Variants in PDE4B observed in about 807,000 individuals in gnomAD.
The protein encoded by PDE4B is phosphodiesterase 4B.
PDE4B carries 20 observed loss-of-function variants against 82.2 expected under a neutral mutation model. The ratio of observed to expected loss-of-function variants is 0.24; its 90% CI spans 0.17 to 0.35. PDE4B has a LOEUF of 0.35. PDE4B is among the 10% of genes least tolerant of loss of function. PDE4B has a pLI of 1.00. For synonymous variants in PDE4B, 320 were observed against 318.9 expected (o/e 1.00, Z -0.04); for missense variants, 655 against 907.2 (o/e 0.72, Z 3.57).
intron 3 of PDE4B, among the ~76,000 whole-genome samples, chr1:65,942,102 G>A (rs1291940133): frequency 6.6e-6 from 1 of 151,986 alleles, no homozygotes; most frequent in Non-Finnish European, 1.5e-5. Context: ...TAGCCTATTA[G>A]CAATTAGGTG....
chr1:65,876,314 C>T (rs1038183537), intron 1 of PDE4B, among the ~76,000 whole-genome samples: 3 of 151,908 alleles, frequency 2.0e-5, no homozygotes, highest in Non-Finnish European at 4.4e-5. Context: ...GAAATATTGT[C>T]CCTAAAAAGT....
intron 1 of PDE4B, among the ~76,000 whole-genome samples, chr1:65,881,907 A>T (rs1234529949): frequency 9.4e-6 from 1 of 106,796 alleles, no homozygotes; most frequent in African/African-American, 2.9e-5. Flanking sequence ...GAAAGATTGC[A>T]TGACATTATA....
intron 3 of PDE4B, among the ~76,000 whole-genome samples, chr1:66,036,485 TTTA>T (rs1654069035): frequency 6.6e-6 from 1 of 152,130 alleles, no homozygotes; most frequent in Admixed American, 6.5e-5. Context: ...CCATTGTGAG[TTTA>T]TTCTTGTATT....
At chr1:66,281,045 A>G (rs894892683) in intron 7 of PDE4B, among the ~76,000 whole-genome samples, 4 of 152,176 alleles carry the variant, frequency 2.6e-5, no homozygotes, top group African/African-American at 9.7e-5. Context: ...ATCTATGCTT[A>G]TGGACTGGCC....
intron 3 of PDE4B, among the ~76,000 whole-genome samples, chr1:66,027,284 C>A (rs1406343121): frequency 6.6e-6 from 1 of 152,106 alleles, no homozygotes; most frequent in Non-Finnish European, 1.5e-5. Flanking sequence ...AAAGCAGAAA[C>A]CCCCGATAAA....
chr1:66,030,493 G>C (rs781084167), intron 3 of PDE4B, among the ~76,000 whole-genome samples: 4 of 152,144 alleles, frequency 2.6e-5, no homozygotes, highest in Non-Finnish European at 5.9e-5. Context: ...GCTTCTTTTG[G>C]TTGGTAGTTT....
chr1:66,299,677 C>T (rs1037396079), intron 7 of PDE4B, among the ~76,000 whole-genome samples: 4 of 152,150 alleles, frequency 2.6e-5, no homozygotes, highest in Non-Finnish European at 5.9e-5. Flanking sequence ...ACTTTCCCAT[C>T]AACAGTTTAT....
chr1:65,802,422 A>G (rs1203863765), intron 1 of PDE4B, among the ~76,000 whole-genome samples: 1 of 152,202 alleles, frequency 6.6e-6, no homozygotes, highest in African/African-American at 2.4e-5. Flanking sequence ...TTTAATAAGG[A>G]AAATATTAGC....
chr1:65,944,693 A>G (rs1170113428), intron 3 of PDE4B, among the ~76,000 whole-genome samples: 1 of 151,962 alleles, frequency 6.6e-6, no homozygotes, highest in Non-Finnish European at 1.5e-5. Flanking sequence ...ACAAGATCAG[A>G]GACAGGAAAA....
intron 3 of PDE4B, among the ~76,000 whole-genome samples, chr1:65,961,135 A>T (rs540220646): frequency 2.6e-5 from 4 of 152,290 alleles, no homozygotes; most frequent in African/African-American, 9.6e-5. Context: ...ATGTTTCATA[A>T]TAATATAGAG....
At position 66,252,052 on chromosome 1, in the gene PDE4B, G is replaced by A. The variant is rs906174801; in HGVS notation, c.476+4398G>A. Among the ~76,000 whole-genome samples, 4 of 152,006 alleles carry A rather than the reference G, an allele frequency of 2.6e-5. 1 individual carries two copies. The highest frequency in any genetic ancestry group is 4.1e-4 in the South Asian group (2 of 4,832). Reference sequence around the variant, plus strand: ...CATGATATTCATGTAAAAGAGGATGGGGATTTATATTACAGATGATCTAGT... The same window carrying A: ...CATGATATTCATGTAAAAGAGGATGAGGATTTATATTACAGATGATCTAGT... On this transcript the variant is annotated intron_variant, in intron 4 of 16. Transcript: ENST00000341517.
intron 3 of PDE4B, among the ~76,000 whole-genome samples, chr1:66,012,630 T>G (rs1225229492): frequency 2.6e-5 from 4 of 152,106 alleles, no homozygotes; most frequent in Non-Finnish European, 5.9e-5. Flanking sequence ...AGCAGTCGTC[T>G]TACTTTCTCT....
At chr1:65,851,864 T>A (rs6704418) in intron 1 of PDE4B, among the ~76,000 whole-genome samples, 80,096 of 151,724 alleles carry the variant, frequency 0.53, 21,361 homozygotes, top group Non-Finnish European at 0.57. Context: ...AAAGCATTCT[T>A]TCATCATTAA....
chr1:66,321,015 G>C (rs565575401), intron 7 of PDE4B, among the ~76,000 whole-genome samples: 1 of 152,270 alleles, frequency 6.6e-6, no homozygotes. Flanking sequence ...TATCAGGCTT[G>C]AGGAAAGGAG....
At chr1:65,940,483 A>T (rs1648386160) in intron 3 of PDE4B, among the ~76,000 whole-genome samples, 1 of 152,196 alleles carries the variant, frequency 6.6e-6, no homozygotes, top group African/African-American at 2.4e-5. Flanking sequence ...TGTTTTGGTT[A>T]TGTATAGAAT....
chr1:66,354,973 A>G, intron 8 of PDE4B: 1 of 1,270,464 alleles, frequency 7.9e-7, no homozygotes, highest in East Asian at 2.5e-5. Context: ...GAAGTACAGG[A>G]CATCTGTAAT....
At chr1:66,046,660 G>A (rs1446191572) in intron 3 of PDE4B, among the ~76,000 whole-genome samples, 1 of 151,828 alleles carries the variant, frequency 6.6e-6, no homozygotes, top group Admixed American at 6.6e-5. Flanking sequence ...TTTAAACCAA[G>A]AAGACTCTGA....
chr1:66,277,405 T>A (rs1655961020), intron 7 of PDE4B, among the ~76,000 whole-genome samples: 1 of 152,178 alleles, frequency 6.6e-6, no homozygotes, highest in Admixed American at 6.5e-5. Flanking sequence ...TTATTTATTT[T>A]TTGTTTTTGA....
intron 1 of PDE4B, among the ~76,000 whole-genome samples, chr1:65,903,403 A>T (rs1646992799): frequency 7.2e-6 from 1 of 139,368 alleles, no homozygotes; most frequent in East Asian, 2.2e-4. Context: ...TCTCTACAAA[A>T]TATGCACACA....
Sources: allele counts gnomAD v4.1 joint callset (sites outside exome capture counted in the v4.1 genomes callset), GRCh38; gene constraint gnomAD v4.1.1; transcripts MANE v1.5; gene names NCBI Gene and HGNC (gene_info 2026-07-23, HGNC 2026-07-21).